The following EPHB1 variants were observed in gnomAD, a reference collection of about 807,000 sequenced individuals.
EPHB1 encodes the protein ephrin type-B receptor 1.
A neutral mutation model predicts 94.4 loss-of-function variants in EPHB1; 30 were observed. That is an observed-to-expected ratio of 0.32 (90% CI 0.24 to 0.43). EPHB1 has a LOEUF of 0.43. Ranked by LOEUF, EPHB1 falls within the 20% of genes least tolerant of loss-of-function variation. EPHB1 has a pLI of 1.00. For synonymous variants in EPHB1, 522 were observed against 489.1 expected (o/e 1.07, Z -0.89); for missense variants, 1,055 against 1,308.3 (o/e 0.81, Z 2.99).
intron 5 of EPHB1, among the ~76,000 whole-genome samples, chr3:135,146,930 A>G (rs1028057683): frequency 2.6e-5 from 4 of 152,208 alleles, no homozygotes; most frequent in African/African-American, 9.7e-5. Flanking sequence ...GAAAGGAGCA[A>G]GAGACCACAC....
chr3:135,017,914 G>C (rs1200851480), intron 3 of EPHB1, among the ~76,000 whole-genome samples: 1 of 152,124 alleles, frequency 6.6e-6, no homozygotes, highest in Non-Finnish European at 1.5e-5. Flanking sequence ...TAAACATTCA[G>C]AGACATTGAG....
chr3:135,106,498 C>A lies in EPHB1; in HGVS notation c.856C>A (p.His286Asn). Residue 286 changes from histidine (H) to asparagine (N), a missense_variant, in exon 4 of 16, where the codon CAC (histidine) becomes AAC (asparagine). Physicochemically the swap from His to Asn is moderately conservative, Grantham distance 68 (BLOSUM62 1). Coordinates refer to ENST00000398015, the MANE Select transcript of EPHB1 (RefSeq NM_004441.5). Reference sequence around the variant, plus strand: ...CAGCCAGGAAGCTGAAGGCTGCTCCCACTGCCCCTCCAACAGCCGCTCCCC... The same window carrying A: ...CAGCCAGGAAGCTGAAGGCTGCTCCAACTGCCCCTCCAACAGCCGCTCCCC... ...KASQEAEGCSHCPSNSRSPAE... is the reference protein window; with the variant it reads ...KASQEAEGCSNCPSNSRSPAE... The A allele has an allele frequency of 6.2e-7, 1 of 1,614,038 alleles. No homozygotes were observed. Among genetic ancestry groups the A allele is most frequent in the South Asian group, 1.1e-5 (1 of 91,090 alleles).
At chr3:134,847,164 C>T (rs1304867096) in intron 1 of EPHB1, among the ~76,000 whole-genome samples, 1 of 151,310 alleles carries the variant, frequency 6.6e-6, no homozygotes, top group Non-Finnish European at 1.5e-5. Flanking sequence ...TTAAAACACA[C>T]ACACATCATG....
intron 1 of EPHB1, among the ~76,000 whole-genome samples, chr3:134,846,163 CA>C (rs1398133226): frequency 6.6e-6 from 1 of 152,212 alleles, no homozygotes; most frequent in African/African-American, 2.4e-5. Context: ...GAACAGTACA[CA>C]AGTTTTCTCT....
intron 4 of EPHB1, among the ~76,000 whole-genome samples, chr3:135,112,127 C>T (rs917918621): frequency 2.0e-5 from 3 of 152,280 alleles, no homozygotes; most frequent in East Asian, 3.9e-4. Context: ...GAAGGAGAAA[C>T]TGAAACAGAA....
intron 9 of EPHB1, among the ~76,000 whole-genome samples, chr3:135,171,643 C>T (rs947546489): frequency 6.6e-6 from 1 of 152,152 alleles, no homozygotes; most frequent in African/African-American, 2.4e-5. Context: ...AAATAGGAGA[C>T]CTAACTTGCT....
At chr3:135,239,207 G>A (rs1943721566) in intron 12 of EPHB1, among the ~76,000 whole-genome samples, 1 of 152,174 alleles carries the variant, frequency 6.6e-6, no homozygotes. Flanking sequence ...GTGTGCCTGG[G>A]GAGGTCCAGC....
Position 135,201,704 on chromosome 3 carries a change from G to A in EPHB1, c.2346+15G>A, listed in dbSNP as rs2107713219. 1.2e-6 allele frequency: 2 copies of A among 1,610,430 alleles called. No homozygotes were observed. The highest frequency in any genetic ancestry group is 1.1e-5 in the South Asian group (1 of 90,940). ...CCAGCTCCTTGGTGAGTCCTTCTTG[G>A]CATTCTCAAGTAGAAGCATGGCATG... On this transcript the variant is annotated intron_variant, in intron 12 of 15. Coordinates refer to ENST00000398015, the MANE Select transcript of EPHB1 (RefSeq NM_004441.5).
At chr3:134,834,250 G>A (rs112899420) in intron 1 of EPHB1, among the ~76,000 whole-genome samples, 127 of 152,304 alleles carry the variant, frequency 8.3e-4, no homozygotes, top group African/African-American at 3.1e-3. Flanking sequence ...AACAGTAAGT[G>A]ATAAATACAT....
intron 1 of EPHB1, among the ~76,000 whole-genome samples, chr3:134,870,898 T>C (rs2037485494): frequency 6.6e-6 from 1 of 152,228 alleles, no homozygotes; most frequent in South Asian, 2.1e-4. Context: ...CTTGTTTATA[T>C]GGCATAAGAA....
intron 3 of EPHB1, among the ~76,000 whole-genome samples, chr3:135,025,084 T>C (rs749999128): frequency 1.5e-4 from 22 of 150,234 alleles, no homozygotes; most frequent in Non-Finnish European, 3.3e-4. Flanking sequence ...ATTATATCTA[T>C]ACAACCTTCC....
chr3:135,155,544 C>T (rs1038181358), intron 6 of EPHB1, among the ~76,000 whole-genome samples: 1 of 152,080 alleles, frequency 6.6e-6, no homozygotes, highest in African/African-American at 2.4e-5. Context: ...TGGCTCACAC[C>T]TGCAATCCTA....
intron 3 of EPHB1, among the ~76,000 whole-genome samples, chr3:135,007,531 T>C (rs1021981680): frequency 3.3e-5 from 5 of 152,212 alleles, no homozygotes; most frequent in African/African-American, 1.2e-4. Context: ...CAGAACTCTT[T>C]GGAAGGGATG....
chr3:135,064,382 T>A (rs1937554219), intron 3 of EPHB1, among the ~76,000 whole-genome samples: 2 of 152,156 alleles, frequency 1.3e-5, no homozygotes, highest in African/African-American at 4.8e-5. Flanking sequence ...TGCTGCTTGT[T>A]ATTGGCCTGT....
At chr3:134,997,983 C>G (rs935216121) in intron 3 of EPHB1, among the ~76,000 whole-genome samples, 1 of 152,186 alleles carries the variant, frequency 6.6e-6, no homozygotes, top group African/African-American at 2.4e-5. Flanking sequence ...TTTCTGCTCT[C>G]TTTCAGGGTG....
chr3:135,256,712 G>A lies in EPHB1; in HGVS notation c.2847-2300G>A, dbSNP rs193085954. Among the ~76,000 whole-genome samples the A allele has an allele frequency of 8.6e-3, 1,311 of 152,072 alleles. 25 individuals carry two copies. The highest frequency in any genetic ancestry group is 0.03 in the African/African-American group (1,252 of 41,448). On this transcript the variant is annotated intron_variant, in intron 15 of 15. Coordinates refer to ENST00000398015, the MANE Select transcript of EPHB1 (RefSeq NM_004441.5). ...ATTATGTCTTGGAGTTGCTCTTCTC[G>A]AGGAGTATCTTTGTGGCGTTCTCTG...
At chr3:135,130,462 G>A (rs1250205698) in intron 4 of EPHB1, among the ~76,000 whole-genome samples, 1 of 152,230 alleles carries the variant, frequency 6.6e-6, no homozygotes, top group African/African-American at 2.4e-5. Context: ...GACAGTAAGT[G>A]TAGGCTCTTG....
intron 3 of EPHB1, among the ~76,000 whole-genome samples, chr3:135,066,334 A>G (rs1320633864): frequency 6.6e-6 from 1 of 152,178 alleles, no homozygotes; most frequent in Non-Finnish European, 1.5e-5. Flanking sequence ...AGGAACACCA[A>G]TTATTCTCAG....
intron 12 of EPHB1, among the ~76,000 whole-genome samples, chr3:135,202,439 C>G (rs1371491827): frequency 1.3e-5 from 2 of 152,102 alleles, no homozygotes. Context: ...ACCAAAAAAT[C>G]TATCCCTCTT....
Sources: allele counts gnomAD v4.1 joint callset (sites outside exome capture counted in the v4.1 genomes callset), GRCh38; gene constraint gnomAD v4.1.1; transcripts MANE v1.5; gene names NCBI Gene and HGNC (gene_info 2026-07-23, HGNC 2026-07-21).